The following CNTN5 variants were observed in gnomAD, a reference collection of about 807,000 sequenced individuals.
CNTN5 encodes the protein contactin-5.
In CNTN5, 77 loss-of-function variants were observed where a neutral mutation model predicts 129.1. The ratio of observed to expected loss-of-function variants is 0.60; its 90% confidence interval spans 0.50 to 0.72. The LOEUF is 0.72. Among genes scored for constraint, CNTN5 ranks in the 30% least tolerant of loss-of-function variants. CNTN5 has a pLI of 0.00. For missense variants in CNTN5, 1,478 were observed against 1,328.8 expected, an observed-to-expected ratio of 1.11 and a Z score of -1.75; for synonymous variants, 509 against 465.6, an observed-to-expected ratio of 1.09 and a Z score of -1.20.
Position 100,352,433 on chromosome 11 carries a change from G to A in CNTN5, c.3199+1563G>A, listed in dbSNP as rs145161008. Among the ~76,000 whole-genome samples, 15 of 151,538 alleles carry A rather than the reference G, an allele frequency of 9.9e-5. No homozygotes were observed. The East Asian group carries it at 2.9e-3, about 29-fold the overall frequency. ...GAACTATACATTAAAATATTTTGAG[G>A]AAAAGATGCATCATATCTGCTATCT... is the stretch of plus-strand genomic sequence containing the variant. On this transcript the variant is annotated intron_variant, in intron 24 of 24. Transcript: ENST00000524871.
At chr11:99,461,061 C>G (rs764963838) in intron 2 of CNTN5, among the ~76,000 whole-genome samples, 2 of 151,962 alleles carry the variant, frequency 1.3e-5, no homozygotes, top group African/African-American at 4.8e-5. Context: ...AAAGTTGATG[C>G]CCTCAAAACA....
At chr11:99,255,632 G>A (rs1182384250) in intron 1 of CNTN5, among the ~76,000 whole-genome samples, 1 of 151,538 alleles carries the variant, frequency 6.6e-6, no homozygotes, top group South Asian at 2.1e-4. Flanking sequence ...ACATCTATTT[G>A]TTAGTTAATG....
At chr11:99,445,148 A>G (rs749648624) in intron 2 of CNTN5, among the ~76,000 whole-genome samples, 1 of 149,298 alleles carries the variant, frequency 6.7e-6, no homozygotes, top group Non-Finnish European at 1.5e-5. Context: ...ATTTAATCAT[A>G]TATATAGCTT....
chr11:99,261,345 C>T (rs1300213485), intron 1 of CNTN5, among the ~76,000 whole-genome samples: 1 of 151,986 alleles, frequency 6.6e-6, no homozygotes, highest in African/African-American at 2.4e-5. Flanking sequence ...GAAATACCTA[C>T]TCAATAGCCC....
intron 3 of CNTN5, among the ~76,000 whole-genome samples, chr11:99,676,432 G>A (rs181266630): frequency 2.8e-4 from 42 of 152,094 alleles, no homozygotes; most frequent in African/African-American, 1.0e-3. Context: ...CATGCTTTTT[G>A]TCACATTATG....
At chr11:99,638,441 C>G (rs79874710) in intron 3 of CNTN5, among the ~76,000 whole-genome samples, 5 of 152,156 alleles carry the variant, frequency 3.3e-5, no homozygotes. Context: ...GCCTTCTCAA[C>G]AGTCCCCCAA....
chr11:99,843,351 G>T (rs1035080412), intron 4 of CNTN5, among the ~76,000 whole-genome samples: 2 of 151,984 alleles, frequency 1.3e-5, no homozygotes, highest in Non-Finnish European at 2.9e-5. Context: ...GTTTTACTTC[G>T]CCAAGACAAA....
intron 9 of CNTN5, among the ~76,000 whole-genome samples, chr11:100,020,420 G>A (rs1465490862): frequency 6.6e-6 from 1 of 151,944 alleles, no homozygotes; most frequent in African/African-American, 2.4e-5. Flanking sequence ...TAGCACCTTT[G>A]TCAAATAACA....
chr11:100,172,776 G>A (rs1268572764), intron 13 of CNTN5, among the ~76,000 whole-genome samples: 5 of 151,882 alleles, frequency 3.3e-5, no homozygotes, highest in African/African-American at 1.2e-4. Flanking sequence ...ATTTTGAGAT[G>A]GAATCAGAAA....
At chr11:99,907,482 C>A in intron 6 of CNTN5, among the ~76,000 whole-genome samples, 1 of 151,760 alleles carries the variant, frequency 6.6e-6, no homozygotes, top group Middle Eastern at 3.2e-3. Flanking sequence ...CTATTATTTT[C>A]CAAAAAGTGT....
chr11:99,803,040 A>T (rs1485113746), intron 3 of CNTN5, among the ~76,000 whole-genome samples: 1 of 152,174 alleles, frequency 6.6e-6, no homozygotes, highest in Non-Finnish European at 1.5e-5. Flanking sequence ...CTGGTGATCC[A>T]GGTGAATGGA....
chr11:99,479,960 A>T (rs1945527587), intron 2 of CNTN5, among the ~76,000 whole-genome samples: 2 of 151,916 alleles, frequency 1.3e-5, no homozygotes. Context: ...CCAATGGCAT[A>T]AAAAGAAAGA....
In CNTN5 at chr11:99,906,114, G is replaced by A. The variant is rs117258172; in HGVS notation, c.578-9940G>A. 1.6e-4 allele frequency among the ~76,000 whole-genome samples: 25 copies of A among 152,144 alleles called. No homozygotes were observed. In the East Asian group the frequency reaches 3.7e-3, roughly 22 times the overall value. ...AATTTGACTTCCTCTCTGCCTATTC[G>A]AATGCTCTTTATTTCTTCCTCATGC... On this transcript the variant is annotated intron_variant, in intron 6 of 24. Coordinates refer to ENST00000524871, the MANE Select transcript of CNTN5 (RefSeq NM_014361.4).
At chr11:99,533,152 G>A (rs2135473865) in intron 2 of CNTN5, among the ~76,000 whole-genome samples, 1 of 152,348 alleles carries the variant, frequency 6.6e-6, no homozygotes, top group Admixed American at 6.5e-5. Context: ...GAACCCGGGA[G>A]AAGGAGGTTG....
At chr11:100,221,483 G>A (rs1466974384) in intron 15 of CNTN5, among the ~76,000 whole-genome samples, 18 of 152,158 alleles carry the variant, frequency 1.2e-4, no homozygotes, top group Admixed American at 6.5e-5. Context: ...GAAAGAATTC[G>A]ACTTGGGTGG....
chr11:100,073,800 A>T (rs1477164832), intron 12 of CNTN5, among the ~76,000 whole-genome samples: 1 of 152,138 alleles, frequency 6.6e-6, no homozygotes, highest in Non-Finnish European at 1.5e-5. Flanking sequence ...ATCTTACCAA[A>T]GGAAGGTCAA....
At chr11:99,511,657 A>C (rs1443747070) in intron 2 of CNTN5, among the ~76,000 whole-genome samples, 1 of 151,866 alleles carries the variant, frequency 6.6e-6, no homozygotes, top group Non-Finnish European at 1.5e-5. Context: ...AAAGTCTCCC[A>C]TTATTATTGT....
intron 1 of CNTN5, among the ~76,000 whole-genome samples, chr11:99,032,148 T>G (rs971880185): frequency 2.6e-5 from 4 of 152,144 alleles, no homozygotes; most frequent in African/African-American, 9.7e-5. Context: ...TGCCACATTT[T>G]CTTAATCCAG....
intron 1 of CNTN5, among the ~76,000 whole-genome samples, chr11:99,254,243 A>T (rs1862264715): frequency 6.6e-6 from 1 of 151,892 alleles, no homozygotes; most frequent in Non-Finnish European, 1.5e-5. Flanking sequence ...TGGATAAAGT[A>T]TTCTAGGGAA....
Sources: gnomAD v4.1 joint callset for allele counts (sites outside exome capture counted in the v4.1 genomes callset) on GRCh38, gnomAD v4.1.1 for gene constraint, MANE v1.5 for transcripts, NCBI Gene and HGNC (gene_info 2026-07-23, HGNC 2026-07-21) for gene names.